The following SYNRG variants were observed in gnomAD, a reference collection of about 807,000 sequenced individuals.
SYNRG encodes AP1 gamma subunit binding protein 1.
In SYNRG, 37 loss-of-function variants were observed where a neutral mutation model predicts 130.9. The ratio of observed to expected loss-of-function variants is 0.28; its 90% CI spans 0.22 to 0.37. The LOEUF is 0.37. SYNRG is among the 10% of genes least tolerant of loss of function. SYNRG has a pLI of 1.00. For missense variants in SYNRG, 1,338 were observed against 1,588.9 expected (o/e 0.84, Z 2.68); for synonymous variants, 539 against 568.1 (o/e 0.95, Z 0.73).
intron 3 of SYNRG, among the ~76,000 whole-genome samples, chr17:37,594,869 G>A (rs1461417633): frequency 2.6e-5 from 4 of 152,168 alleles, no homozygotes; most frequent in African/African-American, 7.2e-5. Flanking sequence ...GTGAGCAGAA[G>A]TGACTAATAA....
At chr17:37,608,015 GA>G (rs1216699664) in intron 1 of SYNRG, among the ~76,000 whole-genome samples, 2 of 146,386 alleles carry the variant, frequency 1.4e-5, no homozygotes, top group African/African-American at 5.0e-5. Flanking sequence ...AAATAGAAGG[GA>G]ATTATTACAT....
chr17:37,524,072 G>A (rs1460056149), intron 19 of SYNRG, among the ~76,000 whole-genome samples: 1 of 152,180 alleles, frequency 6.6e-6, no homozygotes, highest in Non-Finnish European at 1.5e-5. Context: ...GATGCCAGTG[G>A]GTGGCTGAAG....
At chr17:37,577,650 T>C (rs376905509) in intron 6 of SYNRG, 37 bp from the exon 7 acceptor site, 2 of 1,519,696 alleles carry the variant, frequency 1.3e-6, no homozygotes, top group South Asian at 2.3e-5. Context: ...TGTATATAAC[T>C]GTATATGTCT....
At chr17:37,529,752 G>A (rs1356758867) in intron 19 of SYNRG, 1 of 1,546,112 alleles carries the variant, frequency 6.5e-7, no homozygotes, top group Non-Finnish European at 8.7e-7. Context: ...AAATTCACAA[G>A]CTTGGCAAGT....
chr17:37,595,474 G>A (rs1011825625), intron 3 of SYNRG, among the ~76,000 whole-genome samples: 6 of 152,086 alleles, frequency 3.9e-5, no homozygotes, highest in African/African-American at 9.7e-5. Flanking sequence ...AGACAGGCTC[G>A]ACAGACATTG....
chr17:37,540,987 T>A (rs1419777773), intron 15 of SYNRG: 2 of 987,260 alleles, frequency 2.0e-6, no homozygotes, highest in African/African-American at 3.5e-5. Context: ...AACACATTCC[T>A]CATTCATTCT....
chr17:37,534,224 T>C (rs2056975097), intron 19 of SYNRG, among the ~76,000 whole-genome samples: 1 of 151,926 alleles, frequency 6.6e-6, no homozygotes, highest in Non-Finnish European at 1.5e-5. Flanking sequence ...GATTCAGGCA[T>C]GAGCCACCAT....
chr17:37,518,920 A>G lies in SYNRG; in HGVS notation c.*20T>C, dbSNP rs550763838. On this transcript the variant is annotated 3_prime_UTR_variant, in exon 22 of 22. Coordinates refer to ENST00000612223, the MANE Select transcript of SYNRG (RefSeq NM_007247.6). ...GGGTGTCACAGAAAAAAAAAAGTCA[A>G]TGCTTCACAGAGGAGTTGTTCAGAG... 7.5e-6 allele frequency: 12 copies of G among 1,606,740 alleles called. No homozygotes were observed. The East Asian group carries it at 8.9e-5, about 12-fold the overall frequency.
Position 37,517,954 on chromosome 17 carries a change from A to G in SYNRG, c.*986T>C, listed in dbSNP as rs976520103. 2.0e-5 allele frequency: 3 copies of G among 152,198 alleles called. No individual in the cohort carries two copies. The highest frequency in any genetic ancestry group is 7.2e-5 in the African/African-American group (3 of 41,456). 9.4% of individuals were successfully genotyped at this position (152,198 alleles called of 1,614,324 possible). On this transcript the variant is annotated 3_prime_UTR_variant, in exon 22 of 22. Coordinates refer to ENST00000612223, the MANE Select transcript of SYNRG (RefSeq NM_007247.6). The stretch of plus-strand genomic sequence containing the variant: ...TGGACAATTTTCTTCTACTTCTTCT[A>G]AGTCATGTATCTATCCCATAAATAT...
chr17:37,569,479 AG>A (rs1321173196), intron 10 of SYNRG, among the ~76,000 whole-genome samples: 3 of 151,120 alleles, frequency 2.0e-5, no homozygotes, highest in Non-Finnish European at 4.4e-5. Flanking sequence ...TGGGTTACTG[AG>A]CGCCTACCAT....
chr17:37,519,606 G>A (rs957252249), intron 21 of SYNRG, among the ~76,000 whole-genome samples: 2 of 151,938 alleles, frequency 1.3e-5, no homozygotes, highest in African/African-American at 4.8e-5. Context: ...AATGCCTAAT[G>A]AATCTACATT....
chr17:37,547,347 C>CTCT (rs1333119647), intron 14 of SYNRG, among the ~76,000 whole-genome samples: 3 of 152,132 alleles, frequency 2.0e-5, no homozygotes, highest in African/African-American at 7.2e-5. Flanking sequence ...CAAAAAGACA[C>CTCT]CAAATGAACA....
intron 7 of SYNRG, among the ~76,000 whole-genome samples, chr17:37,576,966 C>G (rs905643843): frequency 6.6e-6 from 1 of 152,114 alleles, no homozygotes; most frequent in Non-Finnish European, 1.5e-5. Flanking sequence ...CAATTTAGAT[C>G]TTTTAGGCAG....
chr17:37,566,027 C>G (rs1261142376), intron 11 of SYNRG, among the ~76,000 whole-genome samples: 2 of 148,562 alleles, frequency 1.3e-5, no homozygotes, highest in Non-Finnish European at 3.0e-5. Context: ...GTCAGCCCCC[C>G]GCCCGGCCAG....
intron 11 of SYNRG, among the ~76,000 whole-genome samples, chr17:37,563,570 C>G (rs2059700745): frequency 6.6e-6 from 1 of 152,208 alleles, no homozygotes. Flanking sequence ...CTCTGTTGCC[C>G]AGGCTGGAGT....
chr17:37,551,210 G>A (rs978531501), intron 14 of SYNRG, among the ~76,000 whole-genome samples: 1 of 152,164 alleles, frequency 6.6e-6, no homozygotes. Flanking sequence ...TGGTGAACAT[G>A]AGGATAAAAT....
chr17:37,559,105 T>C (rs1191133413), intron 13 of SYNRG, among the ~76,000 whole-genome samples: 1 of 152,222 alleles, frequency 6.6e-6, no homozygotes, highest in Non-Finnish European at 1.5e-5. Flanking sequence ...ATGAGAGCTG[T>C]GTCCTACCAT....
chr17:37,543,473 C>CT, intron 14 of SYNRG, among the ~76,000 whole-genome samples: 1 of 152,164 alleles, frequency 6.6e-6, no homozygotes, highest in Admixed American at 6.5e-5. Flanking sequence ...TGAGTTCAAC[C>CT]TTGCTACCTA....
At chr17:37,572,037 T>A in intron 8 of SYNRG, 50 bp from the exon 9 acceptor site, 1 of 1,498,838 alleles carries the variant, frequency 6.7e-7, no homozygotes, top group Non-Finnish European at 9.1e-7. Context: ...CCAAGTGATT[T>A]ATTTTTTGGG....
Sources: allele counts gnomAD v4.1 joint callset (sites outside exome capture counted in the v4.1 genomes callset), GRCh38; gene constraint gnomAD v4.1.1; transcripts MANE v1.5; gene names NCBI Gene and HGNC (gene_info 2026-07-23, HGNC 2026-07-21).